The following CIT variants were observed in gnomAD, a reference collection of about 807,000 sequenced individuals.
CIT encodes the protein citron rho-interacting serine/threonine kinase, also known as citron Rho-interacting kinase.
In CIT, 79 loss-of-function variants were observed where a neutral mutation model predicts 272.7. The observed-to-expected ratio is 0.29, with a 90% confidence interval of 0.24 to 0.35. The LOEUF (loss-of-function observed/expected upper bound fraction) is 0.35, where lower values mean the gene tolerates loss of function less well. CIT is among the 10% of genes least tolerant of loss of function. The probability of loss-of-function intolerance (pLI) is 1.00; values close to 1 mark genes in which losing one functional copy is unlikely to be tolerated. For missense variants in CIT, 1,909 were observed against 2,618.3 expected (o/e 0.73, Z 5.91); for synonymous variants, 948 against 995.6 (o/e 0.95, Z 0.90).
chr12:119,869,039 GA>G lies in CIT; in HGVS notation c.238+20del. On this transcript the variant is annotated intron_variant, in intron 3 of 47. Transcript: ENST00000392521. The stretch of plus-strand genomic sequence containing the variant: ...TTTTCTCTCTCAGGACAGTTTTCAA[GA>G]AAAAGTTCCCCAAACTTACACTTCC... 1.2e-6 allele frequency: 2 copies of G among 1,608,820 alleles called. No homozygotes were observed. Among genetic ancestry groups the G allele is most frequent in the Non-Finnish European group, 1.7e-6 (2 of 1,178,996 alleles).
rs142505542 is a variant in CIT at position 119,850,186 on chromosome 12, A to T, written c.504T>A (p.Asn168Lys). 2.9e-4 allele frequency: 467 copies of T among 1,604,666 alleles called. 1 individual carries two copies. The highest frequency in any genetic ancestry group is 3.7e-4 in the Non-Finnish European group (435 of 1,171,538). ...PQLQYAFQDK[N>K]HLYLVMEYQP... Reference sequence around the variant, plus strand: ...TGTAAAGACTCACCAGATAAAGGTGATTTTTGTCCTGAAAGGCATACTGTA... The same window carrying T: ...TGTAAAGACTCACCAGATAAAGGTGTTTTTTGTCCTGAAAGGCATACTGTA... Residue 168 changes from asparagine to lysine, a missense_variant, in exon 5 of 48, where the codon AAT (asparagine) becomes AAA (lysine). This residue lies in a region of CIT where 529 missense variants were observed against 549.6 expected (regional missense o/e 0.96). Coordinates refer to ENST00000392521, the MANE Select transcript of CIT (RefSeq NM_001206999.2).
chr12:119,734,080 A>G, intron 26 of CIT, 84 bp downstream of exon 26: 1 of 1,407,718 alleles, frequency 7.1e-7, no homozygotes, highest in East Asian at 2.4e-5. Flanking sequence ...CTCGGCGGGA[A>G]TAGCTGATCA....
chr12:119,827,884 G>C (rs1968299621), intron 7 of CIT, among the ~76,000 whole-genome samples: 1 of 152,110 alleles, frequency 6.6e-6, no homozygotes, highest in South Asian at 2.1e-4. Flanking sequence ...CGCAATTGTT[G>C]AATACATACC....
chr12:119,866,319 G>C (rs571985223), intron 3 of CIT, among the ~76,000 whole-genome samples: 178 of 152,286 alleles, frequency 1.2e-3, no homozygotes, highest in African/African-American at 3.9e-3. Flanking sequence ...ATAAAATGCA[G>C]TCAAAGAGAT....
At chr12:119,854,950 C>A (rs1237230678) in intron 4 of CIT, among the ~76,000 whole-genome samples, 115 of 151,704 alleles carry the variant, frequency 7.6e-4, no homozygotes, top group Non-Finnish European at 3.5e-4. Context: ...GACTCATTCT[C>A]TAAATAAATA....
chr12:119,751,898 A>G (rs771588655), intron 23 of CIT, 152 bp downstream of exon 23: 5 of 674,260 alleles, frequency 7.4e-6, no homozygotes, highest in Admixed American at 3.5e-5. Flanking sequence ...GCAGCAGCCT[A>G]TGTAAGCCAA....
At chr12:119,795,818 A>C (rs1336291254) in intron 10 of CIT, among the ~76,000 whole-genome samples, 1 of 152,218 alleles carries the variant, frequency 6.6e-6, no homozygotes, top group Non-Finnish European at 1.5e-5. Flanking sequence ...ATAGAGTTAC[A>C]GTGAGATTGT....
intron 10 of CIT, among the ~76,000 whole-genome samples, chr12:119,800,345 A>G (rs1413561282): frequency 6.6e-6 from 1 of 152,194 alleles, no homozygotes; most frequent in Non-Finnish European, 1.5e-5. Context: ...AGCTGCAAGG[A>G]ACTCCCACTA....
In CIT at chr12:119,784,942, G is replaced by A. The variant is rs369032583; in HGVS notation, c.1401+18C>T. 37 of 1,613,864 alleles carry A rather than the reference G, an allele frequency of 2.3e-5. No homozygotes were observed. The highest frequency in any genetic ancestry group is 3.3e-5 in the South Asian group (3 of 91,024). ...GGATCCTGGAGCAAGGAAGGAGGCC[G>A]GCTGCGGAAATAAATACCTTGTGAC... is the stretch of plus-strand genomic sequence containing the variant. On this transcript the variant is annotated intron_variant, in intron 11 of 47. Coordinates refer to ENST00000392521, the MANE Select transcript of CIT (RefSeq NM_001206999.2). This position sits in a 1 kb window ranked among gnomAD's most constrained non-coding sequence, Gnocchi z 4.7.
intron 9 of CIT, among the ~76,000 whole-genome samples, chr12:119,814,667 C>T (rs759438459): frequency 2.0e-5 from 3 of 152,134 alleles, no homozygotes; most frequent in Admixed American, 6.5e-5. Context: ...CAAAACATGA[C>T]CAGATAACCC....
chr12:119,735,104 C>T, intron 25 of CIT, 56 bp downstream of exon 25: 1 of 1,579,446 alleles, frequency 6.3e-7, no homozygotes. Context: ...CCAAGCACTC[C>T]TAAAATCCTT....
chr12:119,875,030 C>T (rs1017771704), intron 2 of CIT, among the ~76,000 whole-genome samples: 1 of 152,154 alleles, frequency 6.6e-6, no homozygotes, highest in Admixed American at 6.5e-5. Flanking sequence ...TGCCCTGGTA[C>T]AGGGGCTTAT....
At chr12:119,733,558 T>A (rs1218242556) in intron 26 of CIT, among the ~76,000 whole-genome samples, 1 of 150,264 alleles carries the variant, frequency 6.7e-6, no homozygotes, top group Non-Finnish European at 1.5e-5. Context: ...AAAAACCCAC[T>A]AAACTATTCT....
chr12:119,803,525 C>T, intron 9 of CIT, 136 bp from the exon 10 acceptor site: 1 of 575,452 alleles, frequency 1.7e-6, no homozygotes, highest in Non-Finnish European at 3.0e-6. Context: ...ATCTAGCTCG[C>T]AACCTCGGCT....
In CIT at chr12:119,772,756, G is replaced by A. The variant is rs748475940; in HGVS notation, c.2082+14C>T. 6.2e-7 allele frequency: 1 copy of A among 1,609,026 alleles called. No individual in the cohort carries two copies. The highest frequency in any genetic ancestry group is 8.5e-7 in the Non-Finnish European group (1 of 1,178,262). On this transcript the variant is annotated intron_variant, in intron 17 of 47. Coordinates refer to ENST00000392521, the MANE Select transcript of CIT (RefSeq NM_001206999.2). Reference sequence around the variant, plus strand: ...CGAGGCCGCTGGGGCCTGGGCTGGAGGTTCCCTGCTCACCTCAGCTTCCAC... The same window carrying A: ...CGAGGCCGCTGGGGCCTGGGCTGGAAGTTCCCTGCTCACCTCAGCTTCCAC...
At chr12:119,828,539 T>C (rs181260173) in intron 7 of CIT, among the ~76,000 whole-genome samples, 2 of 152,248 alleles carry the variant, frequency 1.3e-5, no homozygotes, top group African/African-American at 4.8e-5. Flanking sequence ...GGACACTATC[T>C]GATAGGGCCC....
chr12:119,794,760 G>T (rs2048746838), intron 10 of CIT, among the ~76,000 whole-genome samples: 1 of 152,146 alleles, frequency 6.6e-6, no homozygotes, highest in South Asian at 2.1e-4. Context: ...GCGGAAGCAG[G>T]GAGAAAAAGA....
intron 20 of CIT, among the ~76,000 whole-genome samples, chr12:119,760,010 A>T (rs192844971): frequency 6.6e-6 from 1 of 151,634 alleles, no homozygotes; most frequent in East Asian, 2.0e-4. Flanking sequence ...AACATAGTGA[A>T]ACCCTGTCTC....
At chr12:119,792,298 G>A (rs1332598113) in intron 10 of CIT, among the ~76,000 whole-genome samples, 1 of 152,100 alleles carries the variant, frequency 6.6e-6, no homozygotes, top group Non-Finnish European at 1.5e-5. Flanking sequence ...GCCAAAATGA[G>A]GGGACTCAAA....
Sources: gnomAD v4.1 joint callset for allele counts (sites outside exome capture counted in the v4.1 genomes callset) on GRCh38, gnomAD v4.1.1 for gene constraint, gnomAD v4.1.1 regional missense constraint, Gnocchi (gnomAD v3.1) non-coding constraint, MANE v1.5 for transcripts, NCBI Gene and HGNC (gene_info 2026-07-23, HGNC 2026-07-21) for gene names.